Variants in CSMD1 observed in about 807,000 individuals in gnomAD.
The protein encoded by CSMD1 is CUB and sushi domain-containing protein 1.
CSMD1 carries 213 observed loss-of-function variants against 417.5 expected under a neutral mutation model. That is an observed-to-expected ratio of 0.51 (90% CI 0.46 to 0.57). CSMD1 has a LOEUF of 0.57. Among genes scored for constraint, CSMD1 ranks in the 20% least tolerant of loss-of-function variants. The probability of loss-of-function intolerance (pLI) is 0.00; values close to 1 mark genes in which losing one functional copy is unlikely to be tolerated. For synonymous variants in CSMD1, 2,862 were observed against 1,736.8 expected (o/e 1.65, Z -16.11); for missense variants, 6,923 against 4,529.7 (o/e 1.53, Z -15.17).
intron 1 of CSMD1, among the ~76,000 whole-genome samples, chr8:4,933,366 G>A (rs982203992): frequency 1.3e-5 from 2 of 152,172 alleles, no homozygotes; most frequent in African/African-American, 2.4e-5. Flanking sequence ...TTGGTAAACT[G>A]TAAGTGCTGC....
intron 2 of CSMD1, among the ~76,000 whole-genome samples, chr8:4,631,943 G>A (rs777752419): frequency 2.5e-4 from 38 of 152,108 alleles, no homozygotes; most frequent in African/African-American, 7.0e-4. Context: ...TCATAGATTC[G>A]CCTTTATTCA....
intron 5 of CSMD1, among the ~76,000 whole-genome samples, chr8:3,875,243 T>C (rs992409644): frequency 6.6e-6 from 1 of 152,078 alleles, no homozygotes; most frequent in Non-Finnish European, 1.5e-5. Flanking sequence ...ATGATTTGAA[T>C]TGAGACCATA....
At chr8:4,314,289 C>T (rs998528886) in intron 3 of CSMD1, among the ~76,000 whole-genome samples, 223 of 152,230 alleles carry the variant, frequency 1.5e-3, no homozygotes, top group Middle Eastern at 6.8e-3. Context: ...CGACAAAGTA[C>T]ATAGGATTAA....
intron 3 of CSMD1, among the ~76,000 whole-genome samples, chr8:4,117,309 T>C (rs1802211976): frequency 6.6e-6 from 1 of 151,836 alleles, no homozygotes; most frequent in African/African-American, 2.4e-5. Flanking sequence ...GGTGGGATCC[T>C]CCTTATACAT....
intron 3 of CSMD1, among the ~76,000 whole-genome samples, chr8:4,278,838 A>C (rs1796628755): frequency 6.6e-6 from 1 of 152,188 alleles, no homozygotes. Flanking sequence ...TTATAGGAAA[A>C]ACACTTTAAA....
intron 10 of CSMD1, among the ~76,000 whole-genome samples, chr8:3,536,453 G>C (rs1798203349): frequency 6.6e-6 from 1 of 152,206 alleles, no homozygotes; most frequent in Non-Finnish European, 1.5e-5. Context: ...AATGGGCTGA[G>C]TGAAGTTGGG....
At chr8:4,857,999 G>A (rs894811342) in intron 1 of CSMD1, among the ~76,000 whole-genome samples, 1 of 152,110 alleles carries the variant, frequency 6.6e-6, no homozygotes, top group Non-Finnish European at 1.5e-5. Flanking sequence ...GATGAACATT[G>A]ACGCAAAAAT....
At chr8:4,534,528 T>C (rs1431233537) in intron 2 of CSMD1, among the ~76,000 whole-genome samples, 1 of 152,176 alleles carries the variant, frequency 6.6e-6, no homozygotes, top group Non-Finnish European at 1.5e-5. Context: ...CATGGGTATA[T>C]TGGATCCAGG....
intron 3 of CSMD1, among the ~76,000 whole-genome samples, chr8:4,387,144 C>G (rs983946385): frequency 1.3e-5 from 2 of 152,160 alleles, no homozygotes; most frequent in African/African-American, 4.8e-5. Flanking sequence ...AAGGAAATTT[C>G]TTAATTTGGA....
chr8:3,433,580 A>G (rs1814361797), intron 12 of CSMD1, among the ~76,000 whole-genome samples: 1 of 152,154 alleles, frequency 6.6e-6, no homozygotes, highest in Non-Finnish European at 1.5e-5. Context: ...AAAGCCATGC[A>G]CACGTGCCAC....
At chr8:3,473,075 G>C (rs530909344) in intron 11 of CSMD1, among the ~76,000 whole-genome samples, 1 of 151,990 alleles carries the variant, frequency 6.6e-6, no homozygotes, top group African/African-American at 2.4e-5. Flanking sequence ...TACTAAAAAC[G>C]TAATTGTCAT....
chr8:3,482,128 A>C (rs1054585460), intron 11 of CSMD1, among the ~76,000 whole-genome samples: 1 of 152,244 alleles, frequency 6.6e-6, no homozygotes, highest in East Asian at 1.9e-4. Flanking sequence ...TAAAAGGGGA[A>C]TGAGAACCAG....
chr8:3,109,588 T>G (rs955455371), intron 43 of CSMD1, among the ~76,000 whole-genome samples: 1 of 152,064 alleles, frequency 6.6e-6, no homozygotes, highest in Admixed American at 6.6e-5. Context: ...GCCTTGGAGC[T>G]CTGCCTGTCA....
chr8:3,743,650 G>C (rs1701409542), intron 6 of CSMD1, among the ~76,000 whole-genome samples: 1 of 152,214 alleles, frequency 6.6e-6, no homozygotes, highest in East Asian at 1.9e-4. Context: ...TCCTAAATGA[G>C]GTGATTACAA....
intron 5 of CSMD1, among the ~76,000 whole-genome samples, chr8:3,953,510 GAA>G (rs1811723826): frequency 1.3e-5 from 2 of 152,142 alleles, no homozygotes; most frequent in African/African-American, 4.8e-5. Flanking sequence ...GTTTCACTGG[GAA>G]AAGATAATGA....
Position 2,998,197 on chromosome 8 carries a change from A to G in CSMD1, c.8204-13T>C. 1 of 1,612,948 alleles carries G rather than the reference A, an allele frequency of 6.2e-7. No homozygotes were observed. The highest frequency in any genetic ancestry group is 8.5e-7 in the Non-Finnish European group (1 of 1,179,160). ...CCACATGTGATGGCTGTAGAGAGAC[A>G]GGTCAACGTCATTGTTAAATATTGA... On this transcript the variant is annotated splice_polypyrimidine_tract_variant and intron_variant, in intron 53 of 69. Transcript: ENST00000635120.
In CSMD1 at chr8:3,399,470, C is replaced by G. The variant is rs1184130564; in HGVS notation, c.2326G>C (p.Gly776Arg). 4 of 1,610,012 alleles carry G rather than the reference C, an allele frequency of 2.5e-6. No individual in the cohort carries two copies. Among genetic ancestry groups the G allele is most frequent in the Middle Eastern group, 1.7e-4 (1 of 6,054 alleles). Residue 776 changes from glycine (G) to arginine (R), a missense_variant, in exon 16 of 70, where the codon GGA (glycine) becomes CGA (arginine). By Grantham distance (125) the Gly-to-Arg change is moderately radical (BLOSUM62 -2). Transcript: ENST00000635120. ...CAATGTAAAGAATCCTTATAATATC[C>G]TGGCCATCCAGGAGGCAAAATGACT... The part of the protein sequence containing the change: ...SGVILPPGWP[G>R]YYKDSLHCEW...
intron 46 of CSMD1, among the ~76,000 whole-genome samples, chr8:3,098,638 T>C (rs1283679627): frequency 6.6e-6 from 1 of 152,212 alleles, no homozygotes; most frequent in East Asian, 1.9e-4. Context: ...TCTTCTGTGA[T>C]GGTGACCTCA....
chr8:4,959,191 G>T (rs966859040), intron 1 of CSMD1, among the ~76,000 whole-genome samples: 5 of 152,158 alleles, frequency 3.3e-5, no homozygotes, highest in Non-Finnish European at 7.3e-5. Flanking sequence ...TTCCAAGTAC[G>T]TTCTGTTCAA....
Sources: gnomAD v4.1 joint callset for allele counts (sites outside exome capture counted in the v4.1 genomes callset) on GRCh38, gnomAD v4.1.1 for gene constraint, MANE v1.5 for transcripts, NCBI Gene and HGNC (gene_info 2026-07-23, HGNC 2026-07-21) for gene names.